The following CSDE1 variants were observed in gnomAD, a reference collection of about 807,000 sequenced individuals.
CSDE1 encodes the protein cold shock domain containing E1.
CSDE1 carries 17 observed loss-of-function variants against 89.3 expected under a neutral mutation model. The observed-to-expected ratio is 0.19, with a 90% confidence interval of 0.13 to 0.29. The LOEUF is 0.29. Ranked by LOEUF, CSDE1 falls within the 10% of genes least tolerant of loss-of-function variation. CSDE1 has a pLI of 1.00. For missense variants in CSDE1, 672 were observed against 984.2 expected (o/e 0.68, Z 4.24); for synonymous variants, 322 against 332.8 (o/e 0.97, Z 0.35).
intron 10 of CSDE1, 65 bp downstream of exon 10, chr1:114,732,539 A>G: frequency 2.0e-6 from 3 of 1,497,906 alleles, no homozygotes; most frequent in Non-Finnish European, 9.3e-7. Flanking sequence ...ATTTAGTAGT[A>G]TAAACTTGAA....
intron 12 of CSDE1, 120 bp downstream of exon 12, chr1:114,730,137 TA>T (rs1193055043): frequency 1.8e-6 from 2 of 1,135,958 alleles, no homozygotes; most frequent in Non-Finnish European, 2.5e-6. Context: ...TCACTGTTAA[TA>T]TGACAGAAAT....
In CSDE1 at chr1:114,723,892, C is replaced by T; in HGVS notation, c.1864G>A (p.Val622Met). The stretch of plus-strand genomic sequence containing the variant: ...TAGTGATGATCCTTACCCTCCTCCA[C>T]AATCTCAATCATTCCTTGGTACTCA... ...QTEYQGMIEI[V>M]EEGDMKGEVY... The change falls in exon 16 of 20, where the codon GTG becomes ATG. Residue 622 changes from valine to methionine, a missense_variant. Physicochemically the swap from Val to Met is conservative, Grantham distance 21. Around this residue, in one of 8 missense-constraint regions of CSDE1, gnomAD observed 206 missense variants for 332.4 expected, o/e 0.62. Transcript: ENST00000358528. The T allele has an allele frequency of 6.2e-7, 1 of 1,614,034 alleles. No homozygotes were observed. Among genetic ancestry groups the T allele is most frequent in the Non-Finnish European group, 8.5e-7 (1 of 1,179,914 alleles).
chr1:114,733,629 A>T (rs1660228506), intron 9 of CSDE1, 103 bp downstream of exon 9: 5 of 1,016,030 alleles, frequency 4.9e-6, no homozygotes, highest in Non-Finnish European at 7.1e-6. Flanking sequence ...TTGTTCCACT[A>T]CCACATTATA....
Position 114,730,453 on chromosome 1 carries a change from A to G in CSDE1, c.1192-31T>C, listed in dbSNP as rs1423379239. 2.5e-6 allele frequency: 4 copies of G among 1,610,234 alleles called. No homozygotes were observed. The African/African-American group carries it at 5.4e-5, about 22-fold the overall frequency. ...AATGATAAAACAAAATTAACTTTCAATTGAAAAAGAAAGCATCAAGAAACA... is the reference window on the plus strand; with the variant it reads ...AATGATAAAACAAAATTAACTTTCAGTTGAAAAAGAAAGCATCAAGAAACA... On this transcript the variant is annotated intron_variant, in intron 11 of 19. Transcript: ENST00000358528.
chr1:114,751,996 G>A (rs1269776155), intron 1 of CSDE1, among the ~76,000 whole-genome samples: 1 of 152,192 alleles, frequency 6.6e-6, no homozygotes, highest in Non-Finnish European at 1.5e-5. Context: ...CAGGTGAGTT[G>A]GCTCACGCCT....
At chr1:114,726,590 G>A (rs2144428) in intron 13 of CSDE1, among the ~76,000 whole-genome samples, 68,164 of 152,044 alleles carry the variant, frequency 0.45, 15,529 homozygotes, top group South Asian at 0.56. Flanking sequence ...CTTTCAGTCT[G>A]TATTCCTTAT....
chr1:114,719,980 A>G (rs1175074559), intron 17 of CSDE1, among the ~76,000 whole-genome samples: 1 of 152,218 alleles, frequency 6.6e-6, no homozygotes. Context: ...TATATTATGA[A>G]CTAAGCTTTT....
chr1:114,742,089 T>C (rs1025610382), intron 2 of CSDE1, among the ~76,000 whole-genome samples: 2 of 152,234 alleles, frequency 1.3e-5, no homozygotes, highest in African/African-American at 4.8e-5. Context: ...ATATTTACTA[T>C]GTATTTATAG....
At chr1:114,739,429 G>A (rs6676639) in intron 3 of CSDE1, among the ~76,000 whole-genome samples, 10 of 152,054 alleles carry the variant, frequency 6.6e-5, no homozygotes, top group African/African-American at 2.2e-4. Flanking sequence ...TTCAATATTC[G>A]TACTGGCTTA....
intron 5 of CSDE1, among the ~76,000 whole-genome samples, chr1:114,737,145 G>A (rs1183751609): frequency 6.6e-6 from 1 of 151,790 alleles, no homozygotes; most frequent in Non-Finnish European, 1.5e-5. Context: ...TTTATATAAG[G>A]CATTCCAAAC....
At chr1:114,744,208 A>G (rs1026699484) in intron 2 of CSDE1, among the ~76,000 whole-genome samples, 7 of 152,104 alleles carry the variant, frequency 4.6e-5, no homozygotes, top group Non-Finnish European at 8.8e-5. Flanking sequence ...AATAGGGGGG[A>G]AAAAAATCCA....
chr1:114,718,980 T>C (rs965964088), intron 18 of CSDE1: 1 of 510,000 alleles, frequency 2.0e-6, no homozygotes, highest in Non-Finnish European at 3.5e-6. Flanking sequence ...GACCCTAGAC[T>C]TGAATGCAAT....
intron 2 of CSDE1, among the ~76,000 whole-genome samples, chr1:114,747,726 T>C (rs1458649736): frequency 1.3e-5 from 2 of 151,952 alleles, no homozygotes; most frequent in Non-Finnish European, 2.9e-5. Context: ...GGCATGGTGA[T>C]GCGCGCCTGT....
chr1:114,743,738 T>A (rs756746259), intron 2 of CSDE1, among the ~76,000 whole-genome samples: 1 of 152,194 alleles, frequency 6.6e-6, no homozygotes, highest in Non-Finnish European at 1.5e-5. Flanking sequence ...AACAAGAATG[T>A]TGGAATCTGG....
chr1:114,729,392 C>T (rs1468480355), intron 12 of CSDE1, among the ~76,000 whole-genome samples: 1 of 151,872 alleles, frequency 6.6e-6, no homozygotes, highest in Non-Finnish European at 1.5e-5. Flanking sequence ...AGCCACCGCA[C>T]CTGACAATAA....
intron 2 of CSDE1, among the ~76,000 whole-genome samples, chr1:114,743,625 C>T (rs1470844754): frequency 1.3e-5 from 2 of 152,208 alleles, no homozygotes; most frequent in African/African-American, 4.8e-5. Flanking sequence ...CCACACATCA[C>T]TGCAGGTAGG....
At chr1:114,743,531 A>T (rs959574565) in intron 2 of CSDE1, among the ~76,000 whole-genome samples, 1 of 152,198 alleles carries the variant, frequency 6.6e-6, no homozygotes, top group Non-Finnish European at 1.5e-5. Context: ...TCTGATTACT[A>T]TTAAACAAGA....
intron 7 of CSDE1, 116 bp downstream of exon 7, chr1:114,734,326 G>C: frequency 9.2e-7 from 1 of 1,084,724 alleles, no homozygotes; most frequent in Non-Finnish European, 1.3e-6. Flanking sequence ...GAGGTTAACA[G>C]TGAAATATTT....
At chr1:114,726,662 GAAC>G (rs755190834) in intron 13 of CSDE1, among the ~76,000 whole-genome samples, 53 of 152,232 alleles carry the variant, frequency 3.5e-4, no homozygotes, top group Non-Finnish European at 5.9e-4. Flanking sequence ...GAGAAAAAAT[GAAC>G]AACAACGTAA....
Sources: gnomAD v4.1 joint callset for allele counts (sites outside exome capture counted in the v4.1 genomes callset) on GRCh38, gnomAD v4.1.1 for gene constraint, gnomAD v4.1.1 regional missense constraint, MANE v1.5 for transcripts, NCBI Gene and HGNC (gene_info 2026-07-23, HGNC 2026-07-21) for gene names.